Variants in LYRM4 observed in about 807,000 individuals in gnomAD.
LYRM4 encodes the protein LYR motif containing 4, also known as LYR motif-containing protein 4.
A neutral mutation model predicts 11.7 loss-of-function variants in LYRM4; 9 were observed. The ratio of observed to expected loss-of-function variants is 0.77; its 90% CI spans 0.46 to 1.34. The LOEUF (loss-of-function observed/expected upper bound fraction) is 1.34, where lower values mean the gene tolerates loss of function less well. LYRM4 is among the 40% of genes most tolerant of loss of function. LYRM4 has a pLI of 0.00. For missense variants in LYRM4, 133 were observed against 112.5 expected (o/e 1.18, Z -0.82); for synonymous variants, 42 against 40.4 (o/e 1.04, Z -0.15).
intron 1 of LYRM4, 45 bp from the exon 2 acceptor site, chr6:5,216,783 T>C: frequency 1.1e-5 from 18 of 1,586,000 alleles, no homozygotes; most frequent in Non-Finnish European, 1.5e-5. Context: ...TCAGCGTGTC[T>C]GAGGCTATGC....
chr6:5,241,935 C>CG (rs1763904578), intron 1 of LYRM4, among the ~76,000 whole-genome samples: 1 of 152,042 alleles, frequency 6.6e-6, no homozygotes, highest in Non-Finnish European at 1.5e-5. Context: ...TTAGCAAGGC[C>CG]CTAAGATCCT....
At chr6:5,246,905 A>AT (rs1187788960) in intron 1 of LYRM4, among the ~76,000 whole-genome samples, 1 of 152,132 alleles carries the variant, frequency 6.6e-6, no homozygotes, top group Non-Finnish European at 1.5e-5. Context: ...ATGTGATAAA[A>AT]TTACAGGGAA....
chr6:5,115,712 C>T (rs372328761), intron 2 of LYRM4, among the ~76,000 whole-genome samples: 5 of 152,032 alleles, frequency 3.3e-5, no homozygotes, highest in South Asian at 2.1e-4. Context: ...TCAAAACAAA[C>T]CAAATTTATA....
intron 2 of LYRM4, among the ~76,000 whole-genome samples, chr6:5,213,738 T>C (rs191813278): frequency 2.6e-5 from 4 of 152,296 alleles, no homozygotes; most frequent in Admixed American, 2.0e-4. Context: ...GCCACTGAGA[T>C]GTATGATCTC....
At chr6:5,255,467 A>G (rs1461388373) in intron 1 of LYRM4, among the ~76,000 whole-genome samples, 1 of 151,556 alleles carries the variant, frequency 6.6e-6, no homozygotes, top group Non-Finnish European at 1.5e-5. Context: ...AACATAATGG[A>G]TTTAGTCACT....
chr6:5,248,402 T>C (rs143886953), intron 1 of LYRM4, among the ~76,000 whole-genome samples: 3 of 152,006 alleles, frequency 2.0e-5, no homozygotes, highest in Admixed American at 6.5e-5. Context: ...TAAAGGAGAG[T>C]CTGCAATCTG....
Position 5,136,961 on chromosome 6 carries a change from C to T in LYRM4, c.208-27470G>A, listed in dbSNP as rs576014494. 1.7e-5 allele frequency: 7 copies of T among 422,796 alleles called. No individual in the cohort carries two copies. In the South Asian group the frequency reaches 6.1e-4, roughly 37 times the overall value. The allele number at this position is 422,796 out of a possible 1,614,324, so 26.2% of individuals were successfully genotyped here. A position where few individuals can be genotyped will look rare whatever the true frequency, so the allele number is the denominator to read the frequency against. ...AATTTTAGAGCATTTTCATTACCCC[C>T]AAGGAAACACTACTCATTAGTCGCC... On this transcript the variant is annotated intron_variant, in intron 2 of 2. Coordinates refer to ENST00000330636, the MANE Select transcript of LYRM4 (RefSeq NM_020408.6).
Position 5,123,598 on chromosome 6 carries a change from C to T in LYRM4, c.208-14107G>A, listed in dbSNP as rs73361354. ...GTTGAACAACTTCCAGCTGTTCCCA[C>T]GGCCCCTACTTAATAAACTGCCCTC... On this transcript the variant is annotated intron_variant, in intron 2 of 2. Coordinates refer to ENST00000330636, the MANE Select transcript of LYRM4 (RefSeq NM_020408.6). Among the ~76,000 whole-genome samples the T allele has an allele frequency of 1.4e-4, 22 of 152,336 alleles. No homozygotes were observed. The South Asian group carries it at 4.3e-3, about 30-fold the overall frequency.
intron 2 of LYRM4, among the ~76,000 whole-genome samples, chr6:5,200,346 G>A (rs1207916019): frequency 6.6e-6 from 1 of 152,124 alleles, no homozygotes; most frequent in Non-Finnish European, 1.5e-5. Context: ...TTGGCTCTAA[G>A]CCCTGTTATT....
At chr6:5,241,599 A>G (rs1763883595) in intron 1 of LYRM4, among the ~76,000 whole-genome samples, 1 of 152,172 alleles carries the variant, frequency 6.6e-6, no homozygotes, top group South Asian at 2.1e-4. Flanking sequence ...TCAGTGATCA[A>G]AAGTATTGGA....
intron 1 of LYRM4, among the ~76,000 whole-genome samples, chr6:5,223,086 T>G (rs1310172374): frequency 2.6e-5 from 4 of 152,188 alleles, no homozygotes; most frequent in Non-Finnish European, 5.9e-5. Flanking sequence ...CCAAGATATC[T>G]ACTTATAAAA....
At chr6:5,124,268 C>T (rs1301302043) in intron 2 of LYRM4, among the ~76,000 whole-genome samples, 2 of 152,174 alleles carry the variant, frequency 1.3e-5, no homozygotes, top group Non-Finnish European at 2.9e-5. Flanking sequence ...GCCTCCACAC[C>T]AGAACATGTC....
At chr6:5,123,701 A>C (rs1321318449) in intron 2 of LYRM4, among the ~76,000 whole-genome samples, 1 of 152,184 alleles carries the variant, frequency 6.6e-6, no homozygotes, top group East Asian at 1.9e-4. Context: ...TAGCGCGACC[A>C]GATTCCATTC....
chr6:5,036,319 C>T, the LYRM4 span, among the ~76,000 whole-genome samples: 1 of 152,140 alleles, frequency 6.6e-6, no homozygotes, highest in Non-Finnish European at 1.5e-5. Context: ...GTTAATTAGG[C>T]TCTTCCAGGT....
chr6:5,197,196 T>A (rs1474184687), intron 2 of LYRM4, among the ~76,000 whole-genome samples: 4 of 152,038 alleles, frequency 2.6e-5, no homozygotes, highest in African/African-American at 7.3e-5. Flanking sequence ...GGAAAAAACA[T>A]AGGTGCTTAC....
chr6:5,100,262 C>G (rs1384847715), downstream of LYRM4, among the ~76,000 whole-genome samples: 3 of 152,198 alleles, frequency 2.0e-5, no homozygotes, highest in Non-Finnish European at 1.5e-5. Context: ...TGGGTTCTTG[C>G]CTGGAATCTA....
chr6:5,085,776 G>A, the LYRM4 span: 1 of 1,534,280 alleles, frequency 6.5e-7, no homozygotes, highest in Non-Finnish European at 8.8e-7. Context: ...AGGCGGCCAA[G>A]TTCCTGCAGC....
intron 1 of LYRM4, among the ~76,000 whole-genome samples, chr6:5,246,676 G>T (rs549077823): frequency 2.0e-5 from 3 of 152,240 alleles, no homozygotes; most frequent in Admixed American, 1.3e-4. Context: ...GAGGTGTCCA[G>T]ACAGAATGCG....
At chr6:5,091,600 T>G in the LYRM4 span, among the ~76,000 whole-genome samples, 1 of 152,202 alleles carries the variant, frequency 6.6e-6, no homozygotes, top group South Asian at 2.1e-4. Flanking sequence ...ACAGGAAACT[T>G]TTGGAAAGAA....
Sources: allele counts gnomAD v4.1 joint callset (sites outside exome capture counted in the v4.1 genomes callset), GRCh38; gene constraint gnomAD v4.1.1; transcripts MANE v1.5; gene names NCBI Gene and HGNC (gene_info 2026-07-23, HGNC 2026-07-21).